PTPRN2: variants seen among roughly 807,000 people sequenced by gnomAD.
The protein encoded by PTPRN2 is receptor-type tyrosine-protein phosphatase N2.
Under a neutral mutation model 118.8 loss-of-function variants are expected in PTPRN2, and 74 were observed. The ratio of observed to expected loss-of-function variants is 0.62; its 90% confidence interval spans 0.52 to 0.76. The LOEUF (loss-of-function observed/expected upper bound fraction) is 0.76. PTPRN2 is among the 30% of genes least tolerant of loss of function. The probability of loss-of-function intolerance (pLI) is 0.00; values close to 1 mark genes in which losing one functional copy is unlikely to be tolerated. For synonymous variants in PTPRN2, 641 were observed against 608.0 expected (o/e 1.05, Z -0.80); for missense variants, 1,481 against 1,394.4 (o/e 1.06, Z -0.99).
At chr7:158,218,321 G>C (rs1322693874) in intron 3 of PTPRN2, among the ~76,000 whole-genome samples, 1 of 152,060 alleles carries the variant, frequency 6.6e-6, no homozygotes, top group African/African-American at 2.4e-5. Context: ...TCCAATCAAG[G>C]ATTTCATATC....
intron 11 of PTPRN2, among the ~76,000 whole-genome samples, chr7:157,906,417 T>C (rs1340013255): frequency 2.0e-5 from 3 of 152,182 alleles, no homozygotes; most frequent in Non-Finnish European, 2.9e-5. Context: ...GTCCATACTT[T>C]CCTATTTCAG....
rs1217071846 is a variant in PTPRN2, at chr7:158,188,208, C to T, written c.549+4119G>A. On this transcript the variant is annotated intron_variant, in intron 5 of 22. Coordinates refer to ENST00000389418, the MANE Select transcript of PTPRN2 (RefSeq NM_002847.5). ...CCGCGATGGGGAAGGCCGCCACGCT[C>T]GCCGCCTGATGGGGAAGGCCGCCAC... Among the ~76,000 whole-genome samples, 128 of 72,336 alleles carry T rather than the reference C, an allele frequency of 1.8e-3. 10 individuals are homozygous for T. The highest frequency in any genetic ancestry group is 5.0e-3 in the African/African-American group (126 of 25,436). The allele number at this position is 72,336 out of a possible 152,430, so 47.5% of individuals were successfully genotyped here. A position where few individuals can be genotyped will look rare whatever the true frequency, so the allele number is the denominator to read the frequency against.
chr7:158,572,512 G>A (rs993555473), intron 1 of PTPRN2, among the ~76,000 whole-genome samples: 3 of 152,090 alleles, frequency 2.0e-5, no homozygotes, highest in Non-Finnish European at 4.4e-5. Context: ...CAGCCTGCTG[G>A]GTCCTAACTC....
At chr7:157,571,765 C>G (rs984292152) in intron 19 of PTPRN2, among the ~76,000 whole-genome samples, 30 of 152,194 alleles carry the variant, frequency 2.0e-4, no homozygotes, top group Admixed American at 4.6e-4. Flanking sequence ...CCAGTGGACT[C>G]CCGGCCTGTC....
chr7:158,011,680 G>A (rs1309906591), intron 11 of PTPRN2, among the ~76,000 whole-genome samples: 2 of 152,140 alleles, frequency 1.3e-5, no homozygotes, highest in Non-Finnish European at 2.9e-5. Flanking sequence ...TGGTTTTTGG[G>A]AACTTATCCT....
At chr7:158,079,400 A>G (rs1016535481) in intron 11 of PTPRN2, among the ~76,000 whole-genome samples, 1 of 152,208 alleles carries the variant, frequency 6.6e-6, no homozygotes, top group Non-Finnish European at 1.5e-5. Flanking sequence ...ACTTCGATAA[A>G]TAACATGAAC....
chr7:158,332,947 C>G (rs1467864625), intron 2 of PTPRN2, among the ~76,000 whole-genome samples: 5 of 146,662 alleles, frequency 3.4e-5, no homozygotes, highest in African/African-American at 1.3e-4. Context: ...GCAGACATCA[C>G]TCACACCCAC....
chr7:158,174,446 C>G (rs1824001743), intron 5 of PTPRN2, among the ~76,000 whole-genome samples: 1 of 151,886 alleles, frequency 6.6e-6, no homozygotes, highest in South Asian at 2.1e-4. Flanking sequence ...AACATGATCC[C>G]TGCCATCATC....
chr7:158,163,281 C>G (rs1822534615), intron 6 of PTPRN2, among the ~76,000 whole-genome samples: 1 of 151,726 alleles, frequency 6.6e-6, no homozygotes, highest in Admixed American at 6.6e-5. Context: ...ACGGGGTTCT[C>G]AATATTCTCT....
chr7:158,359,952 G>A (rs2151287261), intron 2 of PTPRN2, among the ~76,000 whole-genome samples: 1 of 152,170 alleles, frequency 6.6e-6, no homozygotes, highest in Non-Finnish European at 1.5e-5. Context: ...GCCCCTCAGT[G>A]GGACATCTCA....
chr7:158,460,474 C>G (rs113094552), intron 2 of PTPRN2, among the ~76,000 whole-genome samples: 4 of 127,594 alleles, frequency 3.1e-5, no homozygotes, highest in East Asian at 2.5e-4. Context: ...TGTGCCAAGA[C>G]CACAGGAGGG....
intron 10 of PTPRN2, among the ~76,000 whole-genome samples, chr7:158,103,757 C>G (rs1458737840): frequency 2.0e-5 from 3 of 152,180 alleles, no homozygotes; most frequent in Non-Finnish European, 4.4e-5. Flanking sequence ...TGTCGGGGGC[C>G]ACAGCACACT....
chr7:158,206,941 A>T (rs1463673548), intron 3 of PTPRN2, among the ~76,000 whole-genome samples: 2 of 134,704 alleles, frequency 1.5e-5, no homozygotes, highest in African/African-American at 5.6e-5. Flanking sequence ...TATATCTCCC[A>T]ATGCTATCCC....
At chr7:158,549,558 G>A (rs1298004873) in intron 1 of PTPRN2, among the ~76,000 whole-genome samples, 1 of 152,288 alleles carries the variant, frequency 6.6e-6, no homozygotes, top group Non-Finnish European at 1.5e-5. Context: ...CTTTGCAAAA[G>A]CAAAGTCCTG....
chr7:158,208,853 T>C (rs925714205), intron 3 of PTPRN2, among the ~76,000 whole-genome samples: 9 of 152,028 alleles, frequency 5.9e-5, no homozygotes, highest in Non-Finnish European at 2.9e-5. Context: ...TTTTCAGATA[T>C]AAAGATATAA....
At chr7:157,572,834 G>A (rs538430260) in intron 19 of PTPRN2, among the ~76,000 whole-genome samples, 3 of 152,372 alleles carry the variant, frequency 2.0e-5, no homozygotes, top group South Asian at 2.1e-4. Flanking sequence ...AAAAATGGGC[G>A]GGCTCAGACA....
chr7:158,245,164 C>T (rs899301483), intron 3 of PTPRN2, among the ~76,000 whole-genome samples: 6 of 151,784 alleles, frequency 4.0e-5, no homozygotes, highest in Admixed American at 3.3e-4. Flanking sequence ...GTGGCCATGC[C>T]GGAATCCATG....
chr7:157,579,053 A>G (rs1211872277), intron 17 of PTPRN2, among the ~76,000 whole-genome samples: 1 of 152,260 alleles, frequency 6.6e-6, no homozygotes, highest in African/African-American at 2.4e-5. Context: ...ACAAAATCCA[A>G]TTAAGACCTT....
At chr7:158,361,627 C>A (rs1024300361) in intron 2 of PTPRN2, among the ~76,000 whole-genome samples, 1 of 152,206 alleles carries the variant, frequency 6.6e-6, no homozygotes, top group African/African-American at 2.4e-5. Flanking sequence ...AGCCCCGGAG[C>A]CAGCCCTGCC....
Sources: gnomAD v4.1 joint callset for allele counts (sites outside exome capture counted in the v4.1 genomes callset) on GRCh38, gnomAD v4.1.1 for gene constraint, MANE v1.5 for transcripts, NCBI Gene and HGNC (gene_info 2026-07-23, HGNC 2026-07-21) for gene names.